The following SPAG9 variants were observed in gnomAD, a reference collection of about 807,000 sequenced individuals.
SPAG9 encodes the protein C-Jun-amino-terminal kinase-interacting protein 4.
SPAG9 carries 35 observed loss-of-function variants against 166.5 expected under a neutral mutation model. The ratio of observed to expected loss-of-function variants is 0.21; its 90% CI spans 0.16 to 0.28. The LOEUF is 0.28. Among genes scored for constraint, SPAG9 ranks in the 10% least tolerant of loss-of-function variants. SPAG9 has a pLI of 1.00. For missense variants in SPAG9, 1,235 were observed against 1,603.3 expected (o/e 0.77, Z 3.92); for synonymous variants, 534 against 565.5 (o/e 0.94, Z 0.79).
intron 3 of SPAG9, among the ~76,000 whole-genome samples, chr17:51,048,134 G>A (rs1220684711): frequency 6.6e-6 from 1 of 152,008 alleles, no homozygotes; most frequent in Non-Finnish European, 1.5e-5. Flanking sequence ...TACTTTTTGA[G>A]TCTTAGATAA....
At chr17:51,081,742 CAA>C (rs923486935) in intron 1 of SPAG9, among the ~76,000 whole-genome samples, 5 of 134,452 alleles carry the variant, frequency 3.7e-5, no homozygotes, top group African/African-American at 2.7e-5. Context: ...ACCTCTGTCT[CAA>C]AAAAAAAAAA....
intron 13 of SPAG9, among the ~76,000 whole-genome samples, chr17:51,000,504 C>T (rs1027405703): frequency 1.3e-4 from 20 of 152,018 alleles, no homozygotes; most frequent in Admixed American, 7.2e-4. Context: ...GAGGCCGAGG[C>T]GGGCGGATCA....
intron 3 of SPAG9, among the ~76,000 whole-genome samples, chr17:51,049,375 C>A (rs1342680499): frequency 2.7e-5 from 4 of 150,690 alleles, no homozygotes; most frequent in Non-Finnish European, 1.5e-5. Flanking sequence ...AAAAAAAAAA[C>A]CACTTTAAAA....
intron 2 of SPAG9, among the ~76,000 whole-genome samples, chr17:51,071,720 C>T (rs2047825244): frequency 6.6e-6 from 1 of 152,122 alleles, no homozygotes; most frequent in Admixed American, 6.6e-5. Flanking sequence ...CTTTTTCTTG[C>T]TTCTCAAATA....
intron 1 of SPAG9, among the ~76,000 whole-genome samples, chr17:51,100,307 A>G (rs1176726317): frequency 6.6e-6 from 1 of 150,780 alleles, no homozygotes; most frequent in Middle Eastern, 3.2e-3. Flanking sequence ...AGTATTTTTT[A>G]AAGAGTTAAA....
rs1402867976 is a variant in SPAG9 at position 50,970,726 on chromosome 17, G to A, written c.3831C>T (p.Gly1277=). The change falls in exon 29 of 30, where the codon GGC becomes GGT. Residue 1277 remains glycine, a synonymous_variant. Transcript: ENST00000262013. ...ACATACCCATTCGGAAGTCGATGTA[G>A]CCCTCTCCTCCACTGATGACAAGCA... ...KSMLVISGGE[G]YIDFRMGDEG... 1 of 1,613,798 alleles carries A rather than the reference G, an allele frequency of 6.2e-7. No homozygotes were observed. The highest frequency in any genetic ancestry group is 1.3e-5 in the African/African-American group (1 of 74,872).
intron 24 of SPAG9, among the ~76,000 whole-genome samples, chr17:50,984,208 G>C (rs1330961510): frequency 1.3e-5 from 2 of 151,940 alleles, no homozygotes; most frequent in Non-Finnish European, 2.9e-5. Context: ...GGTTTTAAAG[G>C]GGGAGAATAT....
intron 11 of SPAG9, among the ~76,000 whole-genome samples, chr17:51,005,802 G>C (rs562229738): frequency 6.6e-6 from 1 of 152,364 alleles, no homozygotes; most frequent in South Asian, 2.1e-4. Flanking sequence ...AGTGAGCCAA[G>C]GCTTTGCCAC....
At chr17:50,989,983 G>A in intron 20 of SPAG9, 111 bp from the exon 21 acceptor site, 1 of 869,642 alleles carries the variant, frequency 1.1e-6, no homozygotes, top group Non-Finnish European at 1.9e-6. Flanking sequence ...CCTTCACACT[G>A]TACCATGAAA....
At chr17:51,046,918 C>G in intron 4 of SPAG9, 1 of 1,493,822 alleles carries the variant, frequency 6.7e-7, no homozygotes, top group Non-Finnish European at 8.9e-7. Flanking sequence ...ACTATTTTCC[C>G]CTCCACTAAG....
chr17:51,069,397 A>C (rs1238360783), intron 2 of SPAG9, among the ~76,000 whole-genome samples: 1 of 152,118 alleles, frequency 6.6e-6, no homozygotes, highest in Non-Finnish European at 1.5e-5. Flanking sequence ...AAAGTTTTGT[A>C]CAAGCCTGAA....
At chr17:51,023,931 G>C (rs572289238) in intron 6 of SPAG9, among the ~76,000 whole-genome samples, 1 of 152,328 alleles carries the variant, frequency 6.6e-6, no homozygotes, top group South Asian at 2.1e-4. Context: ...CTCCCAAAGT[G>C]CTGGGATTAC....
chr17:51,063,276 G>C (rs1040400865), intron 2 of SPAG9, among the ~76,000 whole-genome samples: 2 of 151,906 alleles, frequency 1.3e-5, no homozygotes, highest in African/African-American at 4.8e-5. Flanking sequence ...GCTGGGCGTG[G>C]TGGTGCATGC....
chr17:50,997,043 G>A (rs2044712630), intron 15 of SPAG9, among the ~76,000 whole-genome samples: 1 of 152,212 alleles, frequency 6.6e-6, no homozygotes, highest in South Asian at 2.1e-4. Flanking sequence ...GGGAGGCTGA[G>A]GCAGGAGAAT....
intron 2 of SPAG9, among the ~76,000 whole-genome samples, chr17:51,066,377 C>G (rs1052196622): frequency 1.2e-4 from 18 of 151,946 alleles, no homozygotes; most frequent in Non-Finnish European, 5.9e-5. Flanking sequence ...TTCCAAAATA[C>G]TGAGATTACA....
intron 1 of SPAG9, among the ~76,000 whole-genome samples, chr17:51,105,212 A>G (rs1450271992): frequency 2.0e-5 from 3 of 152,214 alleles, no homozygotes; most frequent in Non-Finnish European, 4.4e-5. Context: ...AAATTCTTAG[A>G]AAGAAAGCCC....
chr17:51,073,574 A>G (rs1206500102), intron 2 of SPAG9, among the ~76,000 whole-genome samples: 1 of 152,020 alleles, frequency 6.6e-6, no homozygotes, highest in African/African-American at 2.4e-5. Context: ...AAAAACAAAA[A>G]CCTAAGGTGG....
At position 51,093,694 on chromosome 17, in the gene SPAG9, CAAAAAAAAAAAAAA is replaced by C. The variant is rs57010523; in HGVS notation, c.304-14004_304-13991del. Among the ~76,000 whole-genome samples, 4 of 72,558 alleles carry C rather than the reference CAAAAAAAAAAAAAA, an allele frequency of 5.5e-5. No homozygotes were observed. In the Admixed American group the frequency reaches 5.6e-4, roughly 10 times the overall value. The allele number at this position is 72,558 out of a possible 152,430, so 47.6% of individuals were successfully genotyped here. ...TGGGCGACAGAGCAAGACTCCGTCT[CAAAAAAAAAAAAAA>C]AAAAAAAGAAAATTATAACAGATCC... On this transcript the variant is annotated intron_variant, in intron 1 of 29. Transcript: ENST00000262013.
chr17:50,982,467 A>T, intron 25 of SPAG9, 57 bp downstream of exon 25: 1 of 1,483,030 alleles, frequency 6.7e-7, no homozygotes, highest in Non-Finnish European at 9.2e-7. Context: ...TTATAGTCTA[A>T]TAGTCTTCGG....
Sources: gnomAD v4.1 joint callset for allele counts (sites outside exome capture counted in the v4.1 genomes callset) on GRCh38, gnomAD v4.1.1 for gene constraint, MANE v1.5 for transcripts, NCBI Gene and HGNC (gene_info 2026-07-23, HGNC 2026-07-21) for gene names.